The following JDP2 variants were observed in gnomAD, a reference collection of about 807,000 sequenced individuals.
The protein encoded by JDP2 is Jun dimerization protein 2.
JDP2 carries 9 observed loss-of-function variants against 17.1 expected under a neutral mutation model. The observed-to-expected ratio is 0.53, with a 90% CI of 0.32 to 0.92. The LOEUF (loss-of-function observed/expected upper bound fraction) is 0.92. Ranked by LOEUF, JDP2 falls within the 40% of genes least tolerant of loss-of-function variation. The pLI, the probability that JDP2 is intolerant of heterozygous loss-of-function variation, is 0.04. For synonymous variants in JDP2, 107 were observed against 95.6 expected, an observed-to-expected ratio of 1.12 and a Z score of -0.69; for missense variants, 179 against 220.0, an observed-to-expected ratio of 0.81 and a Z score of 1.18.
At chr14:75,458,374 G>A (rs1041277267) in intron 2 of JDP2, among the ~76,000 whole-genome samples, 3 of 151,784 alleles carry the variant, frequency 2.0e-5, no homozygotes, top group Admixed American at 6.6e-5. Flanking sequence ...CTGTGTGTCC[G>A]TGTGTTCTCA....
At chr14:75,459,197 G>T (rs1886239486) in intron 2 of JDP2, among the ~76,000 whole-genome samples, 1 of 152,188 alleles carries the variant, frequency 6.6e-6, no homozygotes, top group Non-Finnish European at 1.5e-5. Flanking sequence ...TGGCCGAAGG[G>T]AGATTGCACC....
chr14:75,460,055 T>TAAA (rs1307193478), intron 2 of JDP2, among the ~76,000 whole-genome samples: 3 of 152,226 alleles, frequency 2.0e-5, no homozygotes, highest in Non-Finnish European at 4.4e-5. Context: ...TGGTGAGGAT[T>TAAA]AAATGACATG....
At chr14:75,462,638 G>A (rs1886390854) in intron 3 of JDP2, among the ~76,000 whole-genome samples, 1 of 152,184 alleles carries the variant, frequency 6.6e-6, no homozygotes, top group Admixed American at 6.5e-5. Context: ...TACTAAATGT[G>A]CATCCGTGTG....
intron 3 of JDP2, among the ~76,000 whole-genome samples, chr14:75,468,954 G>A (rs1018027943): frequency 3.3e-5 from 5 of 152,202 alleles, no homozygotes; most frequent in African/African-American, 1.2e-4. Flanking sequence ...TCTTTCTTGT[G>A]CAAAGGCCCT....
intron 2 of JDP2, among the ~76,000 whole-genome samples, chr14:75,452,536 C>T (rs1885909453): frequency 6.6e-6 from 1 of 152,220 alleles, no homozygotes; most frequent in African/African-American, 2.4e-5. Context: ...GGTCATAAAT[C>T]AGCAGCCGTG....
At chr14:75,452,160 G>C (rs1226466122) in intron 2 of JDP2, among the ~76,000 whole-genome samples, 1 of 152,208 alleles carries the variant, frequency 6.6e-6, no homozygotes, top group South Asian at 2.1e-4. Flanking sequence ...TTGAAGGCTG[G>C]ATGAATGAAA....
rs1886841608 is a variant in JDP2 at position 75,472,727 on chromosome 14, T to G, written c.*3252T>G. On this transcript the variant is annotated 3_prime_UTR_variant, in exon 4 of 4. Transcript: ENST00000651602. ...TTATTTTGTCCTCTGTTAGTGTCGGTAGTTATTGATATCTACATAGTACAG... is the reference window on the plus strand; with the variant it reads ...TTATTTTGTCCTCTGTTAGTGTCGGGAGTTATTGATATCTACATAGTACAG... 6.6e-6 allele frequency: 1 copy of G among 152,242 alleles called. No individual in the cohort carries two copies. Among genetic ancestry groups the G allele is most frequent in the Admixed American group, 6.5e-5 (1 of 15,288 alleles). The allele number at this position is 152,242 out of a possible 1,614,324, so 9.4% of individuals were successfully genotyped here. A position where few individuals can be genotyped will look rare whatever the true frequency, so the allele number is the denominator to read the frequency against.
In JDP2 at chr14:75,471,982, C is replaced by A. The variant is rs934269397; in HGVS notation, c.*2507C>A. 1.3e-5 allele frequency: 2 copies of A among 152,208 alleles called. No homozygotes were observed. The highest frequency in any genetic ancestry group is 3.9e-4 in the East Asian group (2 of 5,192). 9.4% of individuals were successfully genotyped at this position (152,208 alleles called of 1,614,324 possible). On this transcript the variant is annotated 3_prime_UTR_variant, in exon 4 of 4. Coordinates refer to ENST00000651602, the MANE Select transcript of JDP2 (RefSeq NM_001135048.2). ...CTTCCCTGGTCCTGTGCTTGGCCAC[C>A]GGGAGCTGGCATCTCCAAAATAGAG...
chr14:75,454,163 G>A (rs1032190443), intron 2 of JDP2, among the ~76,000 whole-genome samples: 1 of 83,040 alleles, frequency 1.2e-5, no homozygotes, highest in African/African-American at 5.4e-5. Context: ...CCCGAGAGGA[G>A]CTGGTGACGT....
At position 75,461,488 on chromosome 14, in the gene JDP2, A is replaced by C; in HGVS notation, c.264A>C (p.Arg88=). 1 of 1,610,244 alleles carries C rather than the reference A, an allele frequency of 6.2e-7. No individual in the cohort carries two copies. Among genetic ancestry groups the C allele is most frequent in the Non-Finnish European group, 8.5e-7 (1 of 1,179,056 alleles). ...AGAAGAACAAAGTCGCAGCAGCCCG[A>C]TGCCGGAACAAGAAGAAGGAGCGCA... ...RREKNKVAAA[R]CRNKKKERTE... is the part of the protein sequence containing the mutation. Residue 88 remains arginine, a synonymous_variant, in exon 3 of 4, where the codon CGA becomes CGC. Coordinates refer to ENST00000651602, the MANE Select transcript of JDP2 (RefSeq NM_001135048.2).
Position 75,428,235 on chromosome 14 carries a change from C to G in JDP2, c.-41C>G, listed in dbSNP as rs1217794733. ...CCCCGGCCCCGGGGGCGCCGCCTCCCCCCGCACCTTCTGCACGGTGGGTGC... is the reference window on the plus strand; with the variant it reads ...CCCCGGCCCCGGGGGCGCCGCCTCCGCCCGCACCTTCTGCACGGTGGGTGC... On this transcript the variant is annotated 5_prime_UTR_variant, in exon 1 of 4. Coordinates refer to ENST00000651602, the MANE Select transcript of JDP2 (RefSeq NM_001135048.2). The surrounding 1 kb of genome is among the most constrained non-coding windows in gnomAD (Gnocchi z 5.6). The G allele has an allele frequency of 1.4e-5, 2 of 146,082 alleles. No homozygotes were observed. The highest frequency in any genetic ancestry group is 2.5e-5 in the African/African-American group (1 of 40,778). 9.0% of individuals were successfully genotyped at this position (146,082 alleles called of 1,614,324 possible). A position where few individuals can be genotyped will look rare whatever the true frequency, so the allele number is the denominator to read the frequency against.
At chr14:75,455,790 T>C (rs771582384) in intron 2 of JDP2, among the ~76,000 whole-genome samples, 2 of 152,188 alleles carry the variant, frequency 1.3e-5, no homozygotes, top group African/African-American at 2.4e-5. Context: ...CCCTAAGCTC[T>C]GTCCACCCCC....
chr14:75,469,586 C>G lies in JDP2; in HGVS notation c.*111C>G. 1 of 912,560 alleles carries G rather than the reference C, an allele frequency of 1.1e-6. No individual in the cohort carries two copies. Among genetic ancestry groups the G allele is most frequent in the Non-Finnish European group, 1.6e-6 (1 of 608,626 alleles). 56.5% of individuals were successfully genotyped at this position (912,560 alleles called of 1,614,324 possible). Reference sequence around the variant, plus strand: ...TTCCTTTGGTGCATGAAAAACTGTACAATGAGGTTCAGCACAGCCAGCATC... The same window carrying G: ...TTCCTTTGGTGCATGAAAAACTGTAGAATGAGGTTCAGCACAGCCAGCATC... On this transcript the variant is annotated 3_prime_UTR_variant, in exon 4 of 4. Coordinates refer to ENST00000651602, the MANE Select transcript of JDP2 (RefSeq NM_001135048.2).
intron 2 of JDP2, among the ~76,000 whole-genome samples, chr14:75,450,097 T>C (rs932956948): frequency 6.6e-6 from 1 of 152,028 alleles, no homozygotes; most frequent in African/African-American, 2.4e-5. Flanking sequence ...ACAAGGGGAG[T>C]TGGGAGGGCC....
rs1010280956 is a variant in JDP2, at chr14:75,461,428, A to G, written c.204A>G (p.Leu68=). 10 of 1,600,238 alleles carry G rather than the reference A, an allele frequency of 6.2e-6. No individual in the cohort carries two copies. Among genetic ancestry groups the G allele is most frequent in the East Asian group, 2.2e-5 (1 of 44,476 alleles). ...GKRPQPVKSE[L]DEEEERRKRR... is the part of the protein sequence containing the mutation. The stretch of plus-strand genomic sequence containing the variant: ...TCAGTGGCTCTGTGCCCTCACAGCT[A>G]GATGAGGAAGAGGAGCGAAGGAAAA... The change falls in exon 3 of 4, where the codon CTA becomes CTG. Residue 68 remains leucine, a splice_region_variant and synonymous_variant. Coordinates refer to ENST00000651602, the MANE Select transcript of JDP2 (RefSeq NM_001135048.2).
chr14:75,451,711 A>G lies in JDP2; in HGVS notation c.202-9715A>G, dbSNP rs139461330. Among the ~76,000 whole-genome samples, 798 of 152,310 alleles carry G rather than the reference A, an allele frequency of 5.2e-3. 7 individuals are homozygous for G. The highest frequency in any genetic ancestry group is 0.018 in the African/African-American group (751 of 41,564). On this transcript the variant is annotated intron_variant, in intron 2 of 3. Coordinates refer to ENST00000651602, the MANE Select transcript of JDP2 (RefSeq NM_001135048.2). Reference sequence around the variant, plus strand: ...AGTGGGTCCAGGGCATGGAAAATTCAGGAAAGAGGGATGATGCACAGTCAG... The same window carrying G: ...AGTGGGTCCAGGGCATGGAAAATTCGGGAAAGAGGGATGATGCACAGTCAG...
In JDP2 at chr14:75,435,479, G is replaced by A. The variant is rs915638389; in HGVS notation, c.-23-2419G>A. ...GTGGGCTGGTGTCTGAAAGCCCACC[G>A]TGAGAAAGTCATTCCTTCTGCTGAA... On this transcript the variant is annotated intron_variant, in intron 1 of 3. Coordinates refer to ENST00000651602, the MANE Select transcript of JDP2 (RefSeq NM_001135048.2). 6.6e-5 allele frequency among the ~76,000 whole-genome samples: 10 copies of A among 152,148 alleles called. No individual in the cohort carries two copies. The East Asian group carries it at 9.6e-4, about 15-fold the overall frequency.
At chr14:75,460,854 A>G (rs1886319961) in intron 2 of JDP2, among the ~76,000 whole-genome samples, 1 of 152,158 alleles carries the variant, frequency 6.6e-6, no homozygotes, top group Non-Finnish European at 1.5e-5. Context: ...ATTTTGTGTT[A>G]CTATCACAGA....
chr14:75,439,138 T>C (rs578246028), intron 2 of JDP2, among the ~76,000 whole-genome samples: 7 of 152,136 alleles, frequency 4.6e-5, no homozygotes, highest in Non-Finnish European at 1.0e-4. Context: ...GAGAGGACTT[T>C]CTTCGTGGAG....
Sources: allele counts gnomAD v4.1 joint callset (sites outside exome capture counted in the v4.1 genomes callset), GRCh38; gene constraint gnomAD v4.1.1; non-coding constraint Gnocchi (gnomAD v3.1); transcripts MANE v1.5; gene names NCBI Gene and HGNC (gene_info 2026-07-23, HGNC 2026-07-21).